Variants in FOXO1 observed in about 807,000 individuals in gnomAD.
The protein encoded by FOXO1 is forkhead box protein O1.
In FOXO1, 6 loss-of-function variants were observed where a neutral mutation model predicts 44.1. The ratio of observed to expected loss-of-function variants is 0.14; its 90% CI spans 0.07 to 0.27. The LOEUF (loss-of-function observed/expected upper bound fraction) is 0.27. Ranked by LOEUF, FOXO1 falls within the 10% of genes least tolerant of loss-of-function variation. The pLI, the probability that FOXO1 is intolerant of heterozygous loss-of-function variation, is 1.00. For missense variants in FOXO1, 737 were observed against 888.8 expected, an observed-to-expected ratio of 0.83 and a Z score of 2.17; for synonymous variants, 380 against 362.7, an observed-to-expected ratio of 1.05 and a Z score of -0.54.
chr13:40,654,838 A>G (rs1164868712), intron 1 of FOXO1, among the ~76,000 whole-genome samples: 1 of 152,196 alleles, frequency 6.6e-6, no homozygotes, highest in Non-Finnish European at 1.5e-5. Context: ...ACTTAAGGTC[A>G]GCAGAGATAG....
chr13:40,569,488 T>C (rs9549235), intron 1 of FOXO1, among the ~76,000 whole-genome samples: 3,304 of 152,348 alleles, frequency 0.022, 47 homozygotes, highest in Middle Eastern at 0.034. Flanking sequence ...TAAGCCATTA[T>C]GAATGGTTGT....
In FOXO1 at chr13:40,559,867, T is replaced by C. The variant is rs890236166; in HGVS notation, c.1624A>G (p.Thr542Ala). Residue 542 changes from threonine (T) to alanine (A), a missense_variant, in exon 2 of 3, where the codon ACG becomes GCG. Physicochemically the swap from Thr to Ala is moderately conservative, Grantham distance 58. Coordinates refer to ENST00000379561, the MANE Select transcript of FOXO1 (RefSeq NM_002015.4). The stretch of plus-strand genomic sequence containing the variant: ...GAGGTGTGGGGCATGGTGCTTACCG[T>C]GTGGGGCAGGGGACGCCCGTTAACT... ...SAVNGRPLPH[T>A]VSTMPHTSGM... is the part of the protein sequence containing the mutation. 7 of 1,613,980 alleles carry C rather than the reference T, an allele frequency of 4.3e-6. No individual in the cohort carries two copies. Among genetic ancestry groups the C allele is most frequent in the African/African-American group, 2.7e-5 (2 of 74,912 alleles).
At chr13:40,579,832 C>G (rs985004675) in intron 1 of FOXO1, among the ~76,000 whole-genome samples, 25 of 152,316 alleles carry the variant, frequency 1.6e-4, no homozygotes, top group East Asian at 1.9e-4. Context: ...TAGAACCTAA[C>G]TAGGCAAAAA....
intron 1 of FOXO1, among the ~76,000 whole-genome samples, chr13:40,665,315 G>C (rs1344948055): frequency 1.3e-5 from 2 of 152,246 alleles, no homozygotes; most frequent in East Asian, 3.9e-4. Flanking sequence ...TCGCTCTGAC[G>C]TCCACTTCTT....
chr13:40,595,091 A>G (rs1875525736), intron 1 of FOXO1, among the ~76,000 whole-genome samples: 1 of 152,240 alleles, frequency 6.6e-6, no homozygotes, highest in South Asian at 2.1e-4. Context: ...ACATCCTAAT[A>G]GCTTCACATT....
At chr13:40,611,716 G>T (rs565445828) in intron 1 of FOXO1, among the ~76,000 whole-genome samples, 1 of 152,102 alleles carries the variant, frequency 6.6e-6, no homozygotes, top group Non-Finnish European at 1.5e-5. Flanking sequence ...ACTCTCTCAC[G>T]AGCCCTGTTA....
rs543674925 is a variant in FOXO1 at position 40,574,761 on chromosome 13, T to C, written c.631-13901A>G. Among the ~76,000 whole-genome samples the C allele has an allele frequency of 3.3e-5, 5 of 152,196 alleles. No individual in the cohort carries two copies. The South Asian group carries it at 8.3e-4, about 25-fold the overall frequency. On this transcript the variant is annotated intron_variant, in intron 1 of 2. Coordinates refer to ENST00000379561, the MANE Select transcript of FOXO1 (RefSeq NM_002015.4). ...CTAGTTAAGATTGCAATGGATGACT[T>C]AGAACTGCTGTTGACTGAACAAAGT...
intron 1 of FOXO1, chr13:40,620,253 A>C: frequency 1.4e-6 from 2 of 1,424,104 alleles, no homozygotes; most frequent in Non-Finnish European, 2.0e-6. Context: ...TCCATCCCGG[A>C]GAAAATAGAG....
Position 40,560,455 on chromosome 13 carries a change from T to C in FOXO1, c.1036A>G (p.Met346Val), listed in dbSNP as rs1004836513. The C allele has an allele frequency of 1.3e-5, 21 of 1,614,060 alleles. No individual in the cohort carries two copies. The highest frequency in any genetic ancestry group is 1.7e-5 in the Admixed American group (1 of 59,994). The change falls in exon 2 of 3, where the codon ATG (methionine) becomes GTG (valine). Residue 346 changes from methionine (M) to valine (V), a missense_variant. By Grantham distance (21) the Met-to-Val change is conservative (BLOSUM62 1). Transcript: ENST00000379561. This position sits in a 1 kb window ranked among gnomAD's most constrained non-coding sequence, Gnocchi z 5.1. ...DDLGEGDVHS[M>V]VYPPSAAKMA... is the part of the protein sequence containing the mutation. ...TTTGCGGCAGATGGCGGGTACACCA[T>C]AGAATGCACATCCCCTTCTCCAAGA...
Position 40,559,920 on chromosome 13 carries a change from T to A in FOXO1, c.1571A>T (p.His524Leu). The A allele has an allele frequency of 6.2e-7, 1 of 1,613,912 alleles. No individual in the cohort carries two copies. The highest frequency in any genetic ancestry group is 1.1e-5 in the South Asian group (1 of 91,062). Residue 524 changes from histidine to leucine, a missense_variant, in exon 2 of 3, where the codon CAC becomes CTC. By Grantham distance (99) the His-to-Leu change is moderately conservative. This residue lies in a region of FOXO1 where 283 missense variants were observed against 278.1 expected (regional missense o/e 1.02). Transcript: ENST00000379561. ...NKMMNPSSHT[H>L]PGHAQQTSAV... ...AGATGTCTGCTGAGCATGTCCAGGG[T>A]GGGTATGGGAGCTGGGATTCATCAT...
chr13:40,583,940 C>G (rs2137854591), intron 1 of FOXO1, among the ~76,000 whole-genome samples: 1 of 152,302 alleles, frequency 6.6e-6, no homozygotes, highest in Admixed American at 6.5e-5. Context: ...TGAATCATTT[C>G]TAGCCTTTGA....
chr13:40,555,904 T>G lies in FOXO1; in HGVS notation c.*3145A>C, dbSNP rs1340914078. ...AATCTGCACTGTTACTAAACTCGGG[T>G]AGCGAAATGCAGGAGGCATGACTAC... On this transcript the variant is annotated 3_prime_UTR_variant, in exon 3 of 3. Coordinates refer to ENST00000379561, the MANE Select transcript of FOXO1 (RefSeq NM_002015.4). 6.6e-6 allele frequency: 1 copy of G among 152,628 alleles called. No individual in the cohort carries two copies. The highest frequency in any genetic ancestry group is 2.4e-5 in the African/African-American group (1 of 41,450). 9.5% of individuals were successfully genotyped at this position (152,628 alleles called of 1,614,324 possible). A position where few individuals can be genotyped will look rare whatever the true frequency, so the allele number is the denominator to read the frequency against.
At chr13:40,590,964 G>A (rs569798272) in intron 1 of FOXO1, among the ~76,000 whole-genome samples, 44 of 152,064 alleles carry the variant, frequency 2.9e-4, no homozygotes, top group African/African-American at 8.4e-4. Flanking sequence ...GGTTTCTAAG[G>A]TACTAAAGTA....
At chr13:40,657,049 G>A (rs2137940398) in intron 1 of FOXO1, among the ~76,000 whole-genome samples, 1 of 152,128 alleles carries the variant, frequency 6.6e-6, no homozygotes, top group Non-Finnish European at 1.5e-5. Context: ...TAGCCAGGAT[G>A]GTCTCAATCT....
At chr13:40,630,156 T>A (rs1019824179) in intron 1 of FOXO1, among the ~76,000 whole-genome samples, 2 of 152,090 alleles carry the variant, frequency 1.3e-5, no homozygotes, top group African/African-American at 4.8e-5. Flanking sequence ...CCTGCCACAA[T>A]GCTAGGCATA....
chr13:40,584,501 A>AGC (rs199833337), intron 1 of FOXO1, among the ~76,000 whole-genome samples: 4,352 of 117,144 alleles, frequency 0.037, 411 homozygotes, highest in East Asian at 0.13. Context: ...AAAAAAAAAA[A>AGC]GCCAGATGCA....
chr13:40,583,593 C>T (rs1456110665), intron 1 of FOXO1, among the ~76,000 whole-genome samples: 5 of 152,308 alleles, frequency 3.3e-5, no homozygotes, highest in South Asian at 2.1e-4. Flanking sequence ...TCTTTCCTTA[C>T]ACCTCATGAA....
chr13:40,615,264 C>A (rs1184805853), intron 1 of FOXO1, among the ~76,000 whole-genome samples: 1 of 152,174 alleles, frequency 6.6e-6, no homozygotes, highest in East Asian at 1.9e-4. Flanking sequence ...GGGCCAGACG[C>A]AGTGGCTCAC....
intron 1 of FOXO1, among the ~76,000 whole-genome samples, chr13:40,588,794 A>G (rs1314317067): frequency 1.4e-5 from 2 of 147,176 alleles, no homozygotes; most frequent in Non-Finnish European, 3.1e-5. Flanking sequence ...AGAGTCAAGG[A>G]CACAAGTGAT....
Sources: gnomAD v4.1 joint callset for allele counts (sites outside exome capture counted in the v4.1 genomes callset) on GRCh38, gnomAD v4.1.1 for gene constraint, gnomAD v4.1.1 regional missense constraint, Gnocchi (gnomAD v3.1) non-coding constraint, MANE v1.5 for transcripts, NCBI Gene and HGNC (gene_info 2026-07-23, HGNC 2026-07-21) for gene names.